The following PIK3CB variants were observed in gnomAD, a reference collection of about 807,000 sequenced individuals.
PIK3CB encodes phosphatidylinositol 4,5-bisphosphate 3-kinase catalytic subunit beta isoform.
PIK3CB carries 39 observed loss-of-function variants against 136.8 expected under a neutral mutation model. The observed-to-expected ratio is 0.29, with a 90% confidence interval of 0.22 to 0.37. PIK3CB has a LOEUF of 0.37. Among genes scored for constraint, PIK3CB ranks in the 10% least tolerant of loss-of-function variants. The pLI is 1.00. For missense variants in PIK3CB, 868 were observed against 1,275.4 expected (o/e 0.68, Z 4.87); for synonymous variants, 428 against 436.6 (o/e 0.98, Z 0.25).
chr3:138,728,910 G>A (rs1394997541), intron 8 of PIK3CB, among the ~76,000 whole-genome samples: 3 of 151,932 alleles, frequency 2.0e-5, no homozygotes, highest in African/African-American at 4.8e-5. Flanking sequence ...TTGAATAAGG[G>A]GCATCTATGA....
intron 2 of PIK3CB, among the ~76,000 whole-genome samples, chr3:138,789,450 C>A (rs964983395): frequency 5.9e-5 from 9 of 151,976 alleles, no homozygotes; most frequent in East Asian, 5.8e-4. Flanking sequence ...CAGAGTGAGA[C>A]CCTATCTCAA....
chr3:138,794,894 G>A (rs2046091570), intron 2 of PIK3CB, among the ~76,000 whole-genome samples: 1 of 152,110 alleles, frequency 6.6e-6, no homozygotes, highest in African/African-American at 2.4e-5. Context: ...ATCACCTCTT[G>A]CTGGGTGAGC....
intron 2 of PIK3CB, among the ~76,000 whole-genome samples, chr3:138,792,984 G>C (rs1295884469): frequency 6.6e-6 from 1 of 152,138 alleles, no homozygotes; most frequent in Non-Finnish European, 1.5e-5. Context: ...ATAATGTAGG[G>C]ATTGAGGTTA....
chr3:138,827,573 G>T (rs1346812381), intron 1 of PIK3CB, among the ~76,000 whole-genome samples: 7 of 151,950 alleles, frequency 4.6e-5, no homozygotes, highest in Non-Finnish European at 4.4e-5. Flanking sequence ...TAACCACTTA[G>T]GAGGCCGGTG....
intron 14 of PIK3CB, among the ~76,000 whole-genome samples, chr3:138,691,365 A>G (rs2044004311): frequency 6.6e-6 from 1 of 152,224 alleles, no homozygotes; most frequent in African/African-American, 2.4e-5. Context: ...AACAGATACT[A>G]GAGATATTTT....
rs536088849 is a variant in PIK3CB, at chr3:138,733,877, C to CA, written c.973-440dup. Among the ~76,000 whole-genome samples, 1,295 of 146,720 alleles carry CA rather than the reference C, an allele frequency of 8.8e-3. 18 individuals carry two copies. The highest frequency in any genetic ancestry group is 9.7e-3 in the Non-Finnish European group (649 of 66,598). On this transcript the variant is annotated intron_variant, in intron 7 of 23. Transcript: ENST00000674063. ...TGGGCGACAGAGCAAGACTCTGTCT[C>CA]AAAAAAAAAATTAATTAATTAATTA...
chr3:138,772,128 A>G (rs554268652), intron 2 of PIK3CB, among the ~76,000 whole-genome samples: 6 of 152,298 alleles, frequency 3.9e-5, no homozygotes, highest in African/African-American at 1.2e-4. Context: ...ATGTTTATCA[A>G]GAATATGTGG....
intron 2 of PIK3CB, among the ~76,000 whole-genome samples, chr3:138,766,761 C>T (rs1388054005): frequency 1.3e-5 from 2 of 152,126 alleles, no homozygotes; most frequent in African/African-American, 4.8e-5. Flanking sequence ...ACTGAAGATG[C>T]CTGTAAAGCA....
At chr3:138,713,391 G>A (rs781533057) in intron 9 of PIK3CB, among the ~76,000 whole-genome samples, 1 of 151,816 alleles carries the variant, frequency 6.6e-6, no homozygotes, top group South Asian at 2.1e-4. Flanking sequence ...AAAAGAACAC[G>A]GCCAGGCACG....
chr3:138,776,086 G>A (rs538430920), intron 2 of PIK3CB, among the ~76,000 whole-genome samples: 22 of 151,388 alleles, frequency 1.5e-4, no homozygotes, highest in Middle Eastern at 3.5e-3. Flanking sequence ...TAATCCCAGC[G>A]ACTCAGGAGG....
chr3:138,659,226 C>A (rs1269213462), intron 21 of PIK3CB, among the ~76,000 whole-genome samples: 1 of 152,180 alleles, frequency 6.6e-6, no homozygotes, highest in Non-Finnish European at 1.5e-5. Context: ...TGAAAAATCA[C>A]CCCACTTGAT....
At chr3:138,699,223 T>TAA (rs55874901) in intron 12 of PIK3CB, 128 bp from the exon 13 acceptor site, 194 of 249,026 alleles carry the variant, frequency 7.8e-4, no homozygotes, top group Middle Eastern at 1.2e-3. Context: ...TATAATTCCA[T>TAA]AAAAAAAAAA....
At chr3:138,825,928 C>T in intron 1 of PIK3CB, 1 of 1,556,660 alleles carries the variant, frequency 6.4e-7, no homozygotes, top group Non-Finnish European at 8.6e-7. Flanking sequence ...CTGGTGACAG[C>T]AAAAATGACC....
chr3:138,673,458 T>C (rs1487914424), intron 19 of PIK3CB, among the ~76,000 whole-genome samples: 1 of 152,098 alleles, frequency 6.6e-6, no homozygotes, highest in Non-Finnish European at 1.5e-5. Context: ...AGAACAGACT[T>C]TTTAAAAACC....
intron 8 of PIK3CB, 84 bp from the exon 9 acceptor site, chr3:138,714,803 C>G (rs939096735): frequency 4.0e-6 from 5 of 1,235,168 alleles, no homozygotes; most frequent in Non-Finnish European, 5.6e-6. Context: ...TTGTTTGTTT[C>G]TACACTAAAA....
Position 138,704,484 on chromosome 3 carries a change from T to G in PIK3CB, c.1540A>C (p.Lys514Gln), listed in dbSNP as rs769614863. The part of the protein sequence containing the change: ...YYPPFDKIIE[K>Q]AAEIASSDSA... ...TCACTGCTTGCAATCTCAGCTGCCT[T>G]TTCAATAATCTGTTTAAAAAAATTA... The change falls in exon 12 of 24, where the codon AAG (lysine) becomes CAG (glutamine). Residue 514 changes from lysine (K) to glutamine (Q), a missense_variant. By Grantham distance (53) the Lys-to-Gln change is moderately conservative. This residue lies in a region of PIK3CB where 612 missense variants were observed against 801.1 expected (regional missense o/e 0.76). Coordinates refer to ENST00000674063, the MANE Select transcript of PIK3CB (RefSeq NM_006219.3). 8 of 1,606,014 alleles carry G rather than the reference T, an allele frequency of 5.0e-6. No homozygotes were observed. The highest frequency in any genetic ancestry group is 6.8e-6 in the Non-Finnish European group (8 of 1,172,880).
chr3:138,742,087 G>T (rs1318279520), intron 5 of PIK3CB, among the ~76,000 whole-genome samples: 1 of 152,096 alleles, frequency 6.6e-6, no homozygotes, highest in Non-Finnish European at 1.5e-5. Context: ...CATTTCTACC[G>T]ATGGGGGAGA....
chr3:138,808,715 CCT>C (rs541024402), intron 1 of PIK3CB, among the ~76,000 whole-genome samples: 48 of 147,614 alleles, frequency 3.3e-4, no homozygotes, highest in Non-Finnish European at 5.4e-4. Context: ...AAATCTAGGC[CCT>C]CTCTCTCTCT....
chr3:138,761,278 G>C (rs1308531674), intron 2 of PIK3CB, among the ~76,000 whole-genome samples: 3 of 152,182 alleles, frequency 2.0e-5, no homozygotes, highest in Non-Finnish European at 4.4e-5. Context: ...ACAGGAAACA[G>C]AGAAAAAAGT....
Sources: gnomAD v4.1 joint callset for allele counts (sites outside exome capture counted in the v4.1 genomes callset) on GRCh38, gnomAD v4.1.1 for gene constraint, gnomAD v4.1.1 regional missense constraint, MANE v1.5 for transcripts, NCBI Gene and HGNC (gene_info 2026-07-23, HGNC 2026-07-21) for gene names.